The following BCAS3 variants were observed in gnomAD, a reference collection of about 807,000 sequenced individuals.
BCAS3 encodes the protein BCAS4/BCAS3 fusion.
In BCAS3, 53 loss-of-function variants were observed where a neutral mutation model predicts 116.1. That is an observed-to-expected ratio of 0.46 (90% CI 0.37 to 0.57). BCAS3 has a LOEUF of 0.57. Ranked by LOEUF, BCAS3 falls within the 20% of genes least tolerant of loss-of-function variation. BCAS3 has a pLI of 0.00. For missense variants in BCAS3, 917 were observed against 1,165.4 expected, an observed-to-expected ratio of 0.79 and a Z score of 3.10; for synonymous variants, 391 against 408.2, an observed-to-expected ratio of 0.96 and a Z score of 0.51.
intron 15 of BCAS3, chr17:61,002,705 A>G (rs940310757): frequency 6.6e-6 from 1 of 152,044 alleles, no homozygotes; most frequent in African/African-American, 2.4e-5. Flanking sequence ...AATAGAGGCA[A>G]ATTTTTTAGT....
At chr17:60,725,898 ATTG>A (rs999488897) in intron 5 of BCAS3, among the ~76,000 whole-genome samples, 2 of 151,442 alleles carry the variant, frequency 1.3e-5, no homozygotes, top group African/African-American at 2.4e-5. Context: ...TGTTGTTGTC[ATTG>A]TTGTTGTTTT....
rs2072069910 is a variant in BCAS3, at chr17:61,077,101, T to A, written c.2131-1232T>A. Among the ~76,000 whole-genome samples, 1 of 151,980 alleles carries A rather than the reference T, an allele frequency of 6.6e-6. No individual in the cohort carries two copies. Among genetic ancestry groups the A allele is most frequent in the Non-Finnish European group, 1.5e-5 (1 of 68,022 alleles). On this transcript the variant is annotated intron_variant, in intron 20 of 23. Transcript: ENST00000407086. The surrounding 1 kb of genome is among the most constrained non-coding windows in gnomAD (Gnocchi z 4.3). The stretch of plus-strand genomic sequence containing the variant: ...CCATTGACAAGACATTTAAACTAGT[T>A]TGTATATTTAGTCTCTCATTCGAGT...
In BCAS3 at chr17:61,215,723, ATCC is replaced by A. The variant is rs1302534553; in HGVS notation, c.2425+131160_2425+131162del. 2.0e-5 allele frequency among the ~76,000 whole-genome samples: 3 copies of A among 152,200 alleles called. No individual in the cohort carries two copies. The highest frequency in any genetic ancestry group is 7.2e-5 in the African/African-American group (3 of 41,452). ...ATTTGCTAACCCCTCAGTTCTTGATATCCAGGCTCCATTAAATGTGAACACTAA... is the reference window on the plus strand; with the variant it reads ...ATTTGCTAACCCCTCAGTTCTTGATAAGGCTCCATTAAATGTGAACACTAA... On this transcript the variant is annotated intron_variant, in intron 22 of 23. Coordinates refer to ENST00000407086, the MANE Select transcript of BCAS3 (RefSeq NM_017679.5). The surrounding 1 kb of genome is among the most constrained non-coding windows in gnomAD (Gnocchi z 4.8).
chr17:60,696,884 G>A (rs1223473913), intron 4 of BCAS3, among the ~76,000 whole-genome samples: 1 of 152,068 alleles, frequency 6.6e-6, no homozygotes, highest in Non-Finnish European at 1.5e-5. Context: ...ACCTTTTAGA[G>A]TGTACAAAAA....
At chr17:61,172,766 A>C (rs984730157) in intron 22 of BCAS3, among the ~76,000 whole-genome samples, 1 of 151,992 alleles carries the variant, frequency 6.6e-6, no homozygotes, top group Non-Finnish European at 1.5e-5. Context: ...CGGGCGGATC[A>C]CGAGGTCCGG....
Position 61,070,400 on chromosome 17 carries a change from T to TATATA in BCAS3, c.2030-4520_2030-4519insATATA, listed in dbSNP as rs1555698457. Reference sequence around the variant, plus strand: ...ATATATATATATATATATATATATATCTTTTCACCATTTAAAAAAAATAGA... The same window carrying TATATA: ...ATATATATATATATATATATATATATATATACTTTTCACCATTTAAAAAAAATAGA... On this transcript the variant is annotated intron_variant, in intron 19 of 23. Transcript: ENST00000407086. 7.0e-4 allele frequency: 126 copies of TATATA among 180,946 alleles called. 4 individuals carry two copies. Among genetic ancestry groups the TATATA allele is most frequent in the Middle Eastern group, 4.6e-3 (2 of 434 alleles). The allele number at this position is 180,946 out of a possible 1,614,324, so 11.2% of individuals were successfully genotyped here. A position where few individuals can be genotyped will look rare whatever the true frequency, so the allele number is the denominator to read the frequency against.
At chr17:60,887,674 CTG>C (rs2056819303) in intron 9 of BCAS3, among the ~76,000 whole-genome samples, 1 of 152,026 alleles carries the variant, frequency 6.6e-6, no homozygotes, top group African/African-American at 2.4e-5. Flanking sequence ...ATGTAAATAA[CTG>C]TTTTCTTTAA....
chr17:60,779,676 A>G (rs1263543497), intron 6 of BCAS3, among the ~76,000 whole-genome samples: 5 of 152,046 alleles, frequency 3.3e-5, no homozygotes, highest in Non-Finnish European at 5.9e-5. Flanking sequence ...GCAGAATTTC[A>G]TGTTTAGACT....
intron 22 of BCAS3, among the ~76,000 whole-genome samples, chr17:61,232,642 A>G (rs1185120211): frequency 6.6e-6 from 1 of 152,154 alleles, no homozygotes; most frequent in African/African-American, 2.4e-5. Flanking sequence ...AGGATCCAGG[A>G]CCGGTGTTCT....
chr17:61,353,030 C>T (rs1774774086), intron 22 of BCAS3, among the ~76,000 whole-genome samples: 2 of 152,148 alleles, frequency 1.3e-5, no homozygotes, highest in African/African-American at 4.8e-5. Flanking sequence ...GAGGATTGAC[C>T]TCATGGGGTG....
In BCAS3 at chr17:61,075,496, G is replaced by A. The variant is rs531769243; in HGVS notation, c.2130+476G>A. Among the ~76,000 whole-genome samples the A allele has an allele frequency of 1.8e-4, 28 of 152,010 alleles. 1 individual carries two copies. In the South Asian group the frequency reaches 5.8e-3, roughly 32 times the overall value. On this transcript the variant is annotated intron_variant, in intron 20 of 23. Transcript: ENST00000407086. Reference sequence around the variant, plus strand: ...TGCCTGGCTAATTTTTGTATTTTTAGTAGAGAAGGGGTTTCGCCATGTTGG... The same window carrying A: ...TGCCTGGCTAATTTTTGTATTTTTAATAGAGAAGGGGTTTCGCCATGTTGG...
chr17:60,802,132 A>G (rs2144595434), intron 6 of BCAS3, among the ~76,000 whole-genome samples: 1 of 151,972 alleles, frequency 6.6e-6, no homozygotes, highest in South Asian at 2.1e-4. Flanking sequence ...AAAAATACAA[A>G]AATTAGCCGG....
chr17:61,349,439 T>G lies in BCAS3; in HGVS notation c.2426-18888T>G, dbSNP rs2057698315. Among the ~76,000 whole-genome samples, 1 of 152,180 alleles carries G rather than the reference T, an allele frequency of 6.6e-6. No individual in the cohort carries two copies. The highest frequency in any genetic ancestry group is 2.1e-4 in the South Asian group (1 of 4,824). ...TGACCGAACAGAGTTTCTGAACAAC[T>G]GAGTGGGAAATTCTGCACTTAGATT... On this transcript the variant is annotated intron_variant, in intron 22 of 23. Coordinates refer to ENST00000407086, the MANE Select transcript of BCAS3 (RefSeq NM_017679.5). This position sits in a 1 kb window ranked among gnomAD's most constrained non-coding sequence, Gnocchi z 4.7.
intron 7 of BCAS3, among the ~76,000 whole-genome samples, chr17:60,858,755 A>G (rs572927302): frequency 2.2e-4 from 34 of 152,248 alleles, no homozygotes; most frequent in African/African-American, 7.9e-4. Context: ...ATAACTTTGT[A>G]CTACTAGTTT....
intron 19 of BCAS3, among the ~76,000 whole-genome samples, chr17:61,047,467 A>T (rs1294307058): frequency 6.6e-6 from 1 of 152,090 alleles, no homozygotes; most frequent in Non-Finnish European, 1.5e-5. Context: ...AGTAAAAGTC[A>T]AGAATTTATA....
intron 7 of BCAS3, among the ~76,000 whole-genome samples, chr17:60,814,552 A>C (rs952386968): frequency 2.0e-5 from 3 of 151,806 alleles, no homozygotes; most frequent in Admixed American, 6.6e-5. Context: ...AATGCCTTTT[A>C]TTTCTTTCTC....
intron 22 of BCAS3, among the ~76,000 whole-genome samples, chr17:61,092,767 C>T (rs1048198111): frequency 6.6e-6 from 1 of 152,040 alleles, no homozygotes; most frequent in African/African-American, 2.4e-5. Flanking sequence ...GAGATATGTG[C>T]ATTGCAAATA....
chr17:61,262,527 C>T (rs143963839), intron 22 of BCAS3, among the ~76,000 whole-genome samples: 10 of 151,558 alleles, frequency 6.6e-5, no homozygotes, highest in East Asian at 3.9e-4. Flanking sequence ...ATTACAGGCA[C>T]GCACCACTGC....
Position 61,057,707 on chromosome 17 carries a change from G to A in BCAS3, c.2029+16815G>A, listed in dbSNP as rs190716379. On this transcript the variant is annotated intron_variant, in intron 19 of 23. Transcript: ENST00000407086. The stretch of plus-strand genomic sequence containing the variant: ...TTTTTCACATTTTATGTAGCAACAG[G>A]ATTTTCTAATAGTTTGCAAATAATT... Among the ~76,000 whole-genome samples the A allele has an allele frequency of 5.7e-3, 871 of 151,854 alleles. 5 individuals carry two copies. Among genetic ancestry groups the A allele is most frequent in the Non-Finnish European group, 0.01 (698 of 67,946 alleles).
Sources: gnomAD v4.1 joint callset for allele counts (sites outside exome capture counted in the v4.1 genomes callset) on GRCh38, gnomAD v4.1.1 for gene constraint, Gnocchi (gnomAD v3.1) non-coding constraint, MANE v1.5 for transcripts, NCBI Gene and HGNC (gene_info 2026-07-23, HGNC 2026-07-21) for gene names.